The following MACROD1 variants were observed in gnomAD, a reference collection of about 807,000 sequenced individuals.
MACROD1 encodes the protein mono-ADP ribosylhydrolase 1, also known as ADP-ribose glycohydrolase MACROD1.
In MACROD1, 31 loss-of-function variants were observed where a neutral mutation model predicts 41.4. That is an observed-to-expected ratio of 0.75 (90% CI 0.56 to 1.01). The LOEUF (loss-of-function observed/expected upper bound fraction) is 1.01. MACROD1 is among the 50% of genes least tolerant of loss of function. The pLI, the probability that MACROD1 is intolerant of heterozygous loss-of-function variation, is 0.00. For missense variants in MACROD1, 473 were observed against 460.0 expected (o/e 1.03, Z -0.26); for synonymous variants, 252 against 203.4 (o/e 1.24, Z -2.03).
At chr11:64,000,619 G>A (rs1360331042) in intron 4 of MACROD1, among the ~76,000 whole-genome samples, 1 of 152,090 alleles carries the variant, frequency 6.6e-6, no homozygotes, top group Non-Finnish European at 1.5e-5. Flanking sequence ...TCCCTTCCAG[G>A]CCGCGCCGCC....
chr11:64,070,358 T>C (rs1240084060), intron 3 of MACROD1, among the ~76,000 whole-genome samples: 1 of 152,106 alleles, frequency 6.6e-6, no homozygotes, highest in African/African-American at 2.4e-5. Flanking sequence ...CCAATGATCC[T>C]CCTGGCCCTT....
At chr11:64,015,219 C>T (rs369743225) in intron 4 of MACROD1, 33 bp downstream of exon 4, 3 of 1,573,808 alleles carry the variant, frequency 1.9e-6, no homozygotes, top group Admixed American at 1.8e-5. Flanking sequence ...AGATGCCACA[C>T]CCCACCCCCA....
At chr11:64,150,888 A>G (rs918179062) in intron 3 of MACROD1, among the ~76,000 whole-genome samples, 2 of 152,206 alleles carry the variant, frequency 1.3e-5, no homozygotes, top group Non-Finnish European at 1.5e-5. Flanking sequence ...GGCCAAAGGC[A>G]GAGGAAGGCA....
chr11:64,062,139 C>T (rs1943917798), intron 3 of MACROD1, among the ~76,000 whole-genome samples: 1 of 152,042 alleles, frequency 6.6e-6, no homozygotes, highest in African/African-American at 2.4e-5. Flanking sequence ...CAAGGCCTTC[C>T]TGGATTTCCC....
At chr11:64,045,593 C>T (rs1254974582) in intron 3 of MACROD1, among the ~76,000 whole-genome samples, 2 of 152,120 alleles carry the variant, frequency 1.3e-5, no homozygotes, top group African/African-American at 4.8e-5. Flanking sequence ...GAGGGAGCAG[C>T]GGCGTTCAGC....
intron 3 of MACROD1, among the ~76,000 whole-genome samples, chr11:64,106,726 GAGA>G (rs1367259111): frequency 6.6e-6 from 1 of 152,212 alleles, no homozygotes; most frequent in Non-Finnish European, 1.5e-5. Flanking sequence ...CGGCTGAGGA[GAGA>G]AGCAGTGCAG....
chr11:64,069,562 G>A (rs372280726), intron 3 of MACROD1, among the ~76,000 whole-genome samples: 10 of 152,314 alleles, frequency 6.6e-5, no homozygotes, highest in South Asian at 2.1e-4. Flanking sequence ...CTCCCTGCCC[G>A]TGTGGTGCCC....
chr11:64,008,393 C>T (rs1192532350), intron 4 of MACROD1, among the ~76,000 whole-genome samples: 1 of 145,378 alleles, frequency 6.9e-6, no homozygotes, highest in Non-Finnish European at 1.5e-5. Context: ...TGCGGTGGGG[C>T]CTGGGGAGAG....
At chr11:64,002,404 G>A (rs552730212) in intron 4 of MACROD1, among the ~76,000 whole-genome samples, 1 of 152,318 alleles carries the variant, frequency 6.6e-6, no homozygotes, top group East Asian at 1.9e-4. Flanking sequence ...GGTGGAGGGA[G>A]CTGGAATCAA....
intron 3 of MACROD1, among the ~76,000 whole-genome samples, chr11:64,144,925 G>A (rs1287478669): frequency 3.9e-5 from 6 of 152,222 alleles, no homozygotes; most frequent in South Asian, 4.1e-4. Flanking sequence ...CCATCAAGGC[G>A]GTCTCTAAAT....
intron 3 of MACROD1, among the ~76,000 whole-genome samples, chr11:64,121,962 AT>A (rs778833754): frequency 1.4e-5 from 2 of 143,560 alleles, no homozygotes; most frequent in Non-Finnish European, 3.0e-5. Context: ...TTTCCTTTAA[AT>A]CTCCCCTAAA....
intron 3 of MACROD1, among the ~76,000 whole-genome samples, chr11:64,100,001 C>G (rs761184827): frequency 6.6e-6 from 1 of 152,138 alleles, no homozygotes; most frequent in South Asian, 2.1e-4. Flanking sequence ...GTTTCTCTTG[C>G]GCTGTCTTGG....
intron 3 of MACROD1, among the ~76,000 whole-genome samples, chr11:64,136,001 G>C (rs868586742): frequency 6.6e-6 from 1 of 152,206 alleles, no homozygotes; most frequent in East Asian, 1.9e-4. Context: ...TGGGCGGCCC[G>C]ATGGACGTCC....
chr11:64,118,315 C>G (rs181750370), intron 3 of MACROD1: 9 of 1,530,664 alleles, frequency 5.9e-6, no homozygotes, highest in African/African-American at 1.4e-5. Flanking sequence ...CGGGCTGCCC[C>G]GCCTCAGCCC....
At chr11:64,072,263 A>C (rs1007299104) in intron 3 of MACROD1, among the ~76,000 whole-genome samples, 1 of 152,004 alleles carries the variant, frequency 6.6e-6, no homozygotes. Context: ...AGATGGGTAC[A>C]GGGGTGATGC....
chr11:64,162,620 C>A (rs1292197870), intron 1 of MACROD1, among the ~76,000 whole-genome samples: 1 of 151,522 alleles, frequency 6.6e-6, no homozygotes, highest in Admixed American at 6.6e-5. Flanking sequence ...TGAGACCATC[C>A]TGGCTAACAC....
intron 3 of MACROD1, among the ~76,000 whole-genome samples, chr11:64,028,739 C>T (rs1943256389): frequency 6.6e-6 from 1 of 152,078 alleles, no homozygotes; most frequent in South Asian, 2.1e-4. Flanking sequence ...CGCTGGTGCT[C>T]CTAGCTCAGA....
intron 3 of MACROD1, chr11:64,116,211 C>T: frequency 1.9e-6 from 3 of 1,554,154 alleles, no homozygotes; most frequent in Non-Finnish European, 2.6e-6. Context: ...GTCCTGTGCT[C>T]CTTGCAGGTA....
intron 3 of MACROD1, among the ~76,000 whole-genome samples, chr11:64,061,604 G>A (rs534554914): frequency 6.6e-6 from 1 of 152,164 alleles, no homozygotes; most frequent in African/African-American, 2.4e-5. Context: ...GATGGGGTCC[G>A]AATCTGCATG....
Sources: gnomAD v4.1 joint callset for allele counts (sites outside exome capture counted in the v4.1 genomes callset) on GRCh38, gnomAD v4.1.1 for gene constraint, MANE v1.5 for transcripts, NCBI Gene and HGNC (gene_info 2026-07-23, HGNC 2026-07-21) for gene names.